UBAC2: variants seen among roughly 807,000 people sequenced by gnomAD.
The protein encoded by UBAC2 is ubiquitin-associated domain-containing protein 2.
In UBAC2, 26 loss-of-function variants were observed where a neutral mutation model predicts 44.0. The observed-to-expected ratio is 0.59, with a 90% CI of 0.43 to 0.82. The LOEUF (loss-of-function observed/expected upper bound fraction) is 0.82, where lower values mean the gene tolerates loss of function less well. Among genes scored for constraint, UBAC2 ranks in the 40% least tolerant of loss-of-function variants. The pLI is 0.00. For missense variants in UBAC2, 329 were observed against 419.4 expected (o/e 0.78, Z 1.88); for synonymous variants, 155 against 154.3 (o/e 1.00, Z -0.04).
intron 4 of UBAC2, among the ~76,000 whole-genome samples, chr13:99,272,146 T>G (rs990204521): frequency 1.3e-5 from 2 of 152,208 alleles, no homozygotes; most frequent in African/African-American, 4.8e-5. Flanking sequence ...GTCACCTCTT[T>G]TAGCTCTACT....
chr13:99,332,573 A>G (rs556317479), intron 6 of UBAC2, among the ~76,000 whole-genome samples: 77 of 152,286 alleles, frequency 5.1e-4, no homozygotes, highest in African/African-American at 1.7e-3. Flanking sequence ...TCTCAGCTGG[A>G]CGTGGGCCAG....
At chr13:99,253,199 A>G (rs191856179) in intron 4 of UBAC2, among the ~76,000 whole-genome samples, 168 of 151,904 alleles carry the variant, frequency 1.1e-3, no homozygotes, top group African/African-American at 3.9e-3. Flanking sequence ...TTTTCTCTTT[A>G]TTGAGAAACT....
At chr13:99,223,843 A>T (rs1288543258) in intron 1 of UBAC2, among the ~76,000 whole-genome samples, 1 of 152,088 alleles carries the variant, frequency 6.6e-6, no homozygotes, top group Non-Finnish European at 1.5e-5. Context: ...TGGCCAAGGA[A>T]CATGCTTTAT....
intron 4 of UBAC2, among the ~76,000 whole-genome samples, chr13:99,245,576 G>A (rs1280215657): frequency 2.0e-5 from 3 of 152,158 alleles, no homozygotes. Context: ...AAAACAGGCC[G>A]GGCGCGGTGG....
intron 4 of UBAC2, among the ~76,000 whole-genome samples, chr13:99,298,579 C>T (rs1159521928): frequency 1.3e-5 from 2 of 151,914 alleles, no homozygotes; most frequent in Non-Finnish European, 2.9e-5. Flanking sequence ...GTTCAAGAAG[C>T]TAGAAAAGAA....
chr13:99,222,788 T>C (rs2043065151), intron 1 of UBAC2, among the ~76,000 whole-genome samples: 1 of 152,248 alleles, frequency 6.6e-6, no homozygotes, highest in South Asian at 2.1e-4. Flanking sequence ...GTTAATACGT[T>C]CATAAAGTAT....
At chr13:99,267,603 C>T (rs1455797647) in intron 4 of UBAC2, among the ~76,000 whole-genome samples, 2 of 152,190 alleles carry the variant, frequency 1.3e-5, no homozygotes, top group Non-Finnish European at 1.5e-5. Flanking sequence ...AGAGTCTGCT[C>T]ACTTCAGAGC....
chr13:99,228,689 G>A (rs1012317428), intron 1 of UBAC2, among the ~76,000 whole-genome samples: 1 of 152,162 alleles, frequency 6.6e-6, no homozygotes, highest in African/African-American at 2.4e-5. Context: ...AGGCTGAAAT[G>A]GCTCGAGAAA....
intron 1 of UBAC2, among the ~76,000 whole-genome samples, chr13:99,223,300 C>T (rs1231697407): frequency 6.6e-6 from 1 of 152,078 alleles, no homozygotes; most frequent in Admixed American, 6.6e-5. Flanking sequence ...CTTTTAATGT[C>T]TCTGGGGTCA....
chr13:99,294,868 T>C (rs868200801), intron 4 of UBAC2: 16 of 475,592 alleles, frequency 3.4e-5, no homozygotes, highest in South Asian at 1.5e-4. Flanking sequence ...TTTGCATTTT[T>C]ATTGTGCTTT....
chr13:99,353,435 G>A (rs1271577235), intron 7 of UBAC2, among the ~76,000 whole-genome samples: 1 of 152,138 alleles, frequency 6.6e-6, no homozygotes, highest in East Asian at 1.9e-4. Flanking sequence ...AAGTGACCTT[G>A]AGAAAATCAT....
chr13:99,329,558 A>C (rs2044686329), intron 6 of UBAC2, among the ~76,000 whole-genome samples: 1 of 152,190 alleles, frequency 6.6e-6, no homozygotes, highest in South Asian at 2.1e-4. Flanking sequence ...CATAAAAGAC[A>C]CAGCTAGTCC....
rs560909325 is a variant in UBAC2 at position 99,341,375 on chromosome 13, T to C, written c.807+810T>C. On this transcript the variant is annotated intron_variant, in intron 7 of 8. Transcript: ENST00000403766. The stretch of plus-strand genomic sequence containing the variant: ...TGGAGAAGTGAAATCAGGTTTGAGG[T>C]CCTTAGAGTCCCATTGGAGATGCAG... 1.6e-4 allele frequency among the ~76,000 whole-genome samples: 16 copies of C among 100,088 alleles called. No homozygotes were observed. The South Asian group carries it at 5.5e-3, about 34-fold the overall frequency. The allele number at this position is 100,088 out of a possible 152,430, so 65.7% of individuals were successfully genotyped here.
intron 4 of UBAC2, among the ~76,000 whole-genome samples, chr13:99,300,374 G>A (rs1010161984): frequency 3.3e-5 from 5 of 152,190 alleles, no homozygotes; most frequent in East Asian, 3.8e-4. Context: ...GGATGATTCC[G>A]CTAGCTGGCC....
intron 4 of UBAC2, among the ~76,000 whole-genome samples, chr13:99,292,127 C>T (rs7332472): frequency 6.7e-5 from 10 of 149,058 alleles, no homozygotes; most frequent in South Asian, 2.1e-4. Context: ...GGTTACATTC[C>T]TTTTTTTTTT....
intron 1 of UBAC2, chr13:99,215,613 G>T: frequency 1.5e-6 from 2 of 1,311,784 alleles, no homozygotes; most frequent in Non-Finnish European, 2.2e-6. Flanking sequence ...AGCGGCAGTT[G>T]CACCCACATG....
In UBAC2 at chr13:99,380,368, T is replaced by G. The variant is rs184072986; in HGVS notation, c.928-4860T>G. 1.6e-3 allele frequency among the ~76,000 whole-genome samples: 239 copies of G among 152,306 alleles called. 2 individuals carry two copies. The highest frequency in any genetic ancestry group is 5.5e-3 in the African/African-American group (229 of 41,564). Reference sequence around the variant, plus strand: ...AGACCGTAATGAGATGTGTGGGGACTGGGCGTGCTGGGCTTCTCTGAGCAG... The same window carrying G: ...AGACCGTAATGAGATGTGTGGGGACGGGGCGTGCTGGGCTTCTCTGAGCAG... On this transcript the variant is annotated intron_variant, in intron 8 of 8. Transcript: ENST00000403766.
chr13:99,209,653 T>C (rs2042915005), intron 1 of UBAC2, among the ~76,000 whole-genome samples: 1 of 152,212 alleles, frequency 6.6e-6, no homozygotes, highest in African/African-American at 2.4e-5. Context: ...GGCTGTATTA[T>C]TGAAACTTCC....
chr13:99,248,259 G>A (rs1594045112), intron 4 of UBAC2, among the ~76,000 whole-genome samples: 1 of 151,886 alleles, frequency 6.6e-6, no homozygotes, highest in African/African-American at 2.4e-5. Context: ...GTCTTATTCA[G>A]TTGCCCAGGC....
Sources: allele counts gnomAD v4.1 joint callset (sites outside exome capture counted in the v4.1 genomes callset), GRCh38; gene constraint gnomAD v4.1.1; transcripts MANE v1.5; gene names NCBI Gene and HGNC (gene_info 2026-07-23, HGNC 2026-07-21).